LARGE1: variants seen among roughly 807,000 people sequenced by gnomAD.
LARGE1 encodes LARGE xylosyl- and glucuronyltransferase 1, also known as xylosyl- and glucuronyltransferase LARGE1.
Under a neutral mutation model 87.6 loss-of-function variants are expected in LARGE1, and 43 were observed. That is an observed-to-expected ratio of 0.49 (90% CI 0.38 to 0.63). The LOEUF is 0.63. Ranked by LOEUF, LARGE1 falls within the 30% of genes least tolerant of loss-of-function variation. The pLI is 0.00. For synonymous variants in LARGE1, 434 were observed against 394.6 expected (o/e 1.10, Z -1.18); for missense variants, 802 against 1,000.2 (o/e 0.80, Z 2.67).
intron 1 of LARGE1, among the ~76,000 whole-genome samples, chr22:33,903,448 T>C (rs35759081): frequency 0.23 from 35,278 of 151,886 alleles, 4,207 homozygotes; most frequent in Middle Eastern, 0.28. Flanking sequence ...TGAATTTTTT[T>C]AAAAAATAAA....
At chr22:33,416,492 A>G (rs1308194949) in intron 7 of LARGE1, among the ~76,000 whole-genome samples, 1 of 150,682 alleles carries the variant, frequency 6.6e-6, no homozygotes, top group East Asian at 2.0e-4. Context: ...ATTGCATTTC[A>G]CTGTCCTTAA....
At chr22:33,878,107 G>A (rs903719443) in intron 1 of LARGE1, among the ~76,000 whole-genome samples, 4 of 83,672 alleles carry the variant, frequency 4.8e-5, no homozygotes, top group Non-Finnish European at 1.1e-4. Context: ...TTAAAATTAT[G>A]TATGTTGTTT....
intron 1 of LARGE1, among the ~76,000 whole-genome samples, chr22:33,817,458 C>T (rs535980802): frequency 6.6e-6 from 1 of 152,240 alleles, no homozygotes; most frequent in East Asian, 1.9e-4. Flanking sequence ...CTCTCTCTTT[C>T]GCAGGGGACC....
intron 6 of LARGE1, among the ~76,000 whole-genome samples, chr22:33,523,487 C>T (rs2071719556): frequency 6.6e-6 from 1 of 152,128 alleles, no homozygotes; most frequent in African/African-American, 2.4e-5. Flanking sequence ...TTCTTTGTAT[C>T]TAATTTTGAG....
intron 11 of LARGE1, among the ~76,000 whole-genome samples, chr22:33,265,973 A>G (rs1454239717): frequency 6.6e-6 from 1 of 152,184 alleles, no homozygotes; most frequent in East Asian, 1.9e-4. Flanking sequence ...AAGCACTGGT[A>G]CAGGCCAAGA....
chr22:33,440,803 TG>T (rs2147816213), intron 6 of LARGE1, among the ~76,000 whole-genome samples: 1 of 152,308 alleles, frequency 6.6e-6, no homozygotes, highest in South Asian at 2.1e-4. Context: ...TTTCTGAACC[TG>T]TGTGTTTCAC....
intron 1 of LARGE1, among the ~76,000 whole-genome samples, chr22:33,787,882 T>C (rs2085701188): frequency 6.6e-6 from 1 of 152,230 alleles, no homozygotes; most frequent in African/African-American, 2.4e-5. Flanking sequence ...CCCTGCTATT[T>C]ATAGAGAATG....
At chr22:33,089,325 TTCTTCTTCTTCTTCTTC>T in the LARGE1 span, among the ~76,000 whole-genome samples, 4 of 88,042 alleles carry the variant, frequency 4.5e-5, no homozygotes, top group African/African-American at 2.1e-4. Context: ...TTCTTCTTTC[TTCTTCTTCTTCTTCTTC>T]TTCTTCTTCT....
At chr22:33,707,729 CT>C (rs1273860155) in intron 2 of LARGE1, among the ~76,000 whole-genome samples, 2 of 152,236 alleles carry the variant, frequency 1.3e-5, no homozygotes, top group Admixed American at 1.3e-4. Flanking sequence ...GATTTTGTGT[CT>C]CTTTTTAGTT....
At chr22:33,723,563 G>T (rs2083173723) in intron 2 of LARGE1, among the ~76,000 whole-genome samples, 1 of 152,204 alleles carries the variant, frequency 6.6e-6, no homozygotes, top group Admixed American at 6.5e-5. Context: ...GCGGATTTGG[G>T]TAAGGCTCAT....
chr22:33,827,190 G>A (rs894554062), intron 1 of LARGE1, among the ~76,000 whole-genome samples: 10 of 150,124 alleles, frequency 6.7e-5, no homozygotes, highest in Middle Eastern at 3.4e-3. Flanking sequence ...GTGAAACCCC[G>A]TCTCTATTAA....
chr22:33,727,971 GGTCAGGTAGATGGAT>G (rs530238229), intron 2 of LARGE1, among the ~76,000 whole-genome samples: 187 of 152,190 alleles, frequency 1.2e-3, no homozygotes, highest in African/African-American at 3.6e-3. Context: ...GGTATTCAGG[GGTCAGGTAGATGGAT>G]CTGCACTCAC....
chr22:33,733,120 C>G (rs549263205), intron 2 of LARGE1: 1 of 152,206 alleles, frequency 6.6e-6, no homozygotes, highest in African/African-American at 2.4e-5. Flanking sequence ...TTAAGCCACT[C>G]GAGGGTGGAA....
At chr22:33,817,147 C>T (rs2086678493) in intron 1 of LARGE1, among the ~76,000 whole-genome samples, 1 of 152,110 alleles carries the variant, frequency 6.6e-6, no homozygotes, top group Non-Finnish European at 1.5e-5. Context: ...GGAGGCTCGG[C>T]AGTTTCCCTA....
At chr22:33,402,137 G>A (rs2065945389) in intron 7 of LARGE1, among the ~76,000 whole-genome samples, 1 of 152,222 alleles carries the variant, frequency 6.6e-6, no homozygotes, top group Admixed American at 6.5e-5. Context: ...GAGGCTCGGA[G>A]AGGTCATACA....
intron 6 of LARGE1, among the ~76,000 whole-genome samples, chr22:33,510,204 C>A (rs2070988673): frequency 6.6e-6 from 1 of 152,224 alleles, no homozygotes; most frequent in Non-Finnish European, 1.5e-5. Context: ...GCAGTCTAAA[C>A]ATGCAAGTCT....
chr22:33,219,823 G>A (rs1211294411), intron 11 of LARGE1, among the ~76,000 whole-genome samples: 2 of 152,060 alleles, frequency 1.3e-5, no homozygotes, highest in Non-Finnish European at 2.9e-5. Flanking sequence ...GCCTGCCCAC[G>A]GAGCAGGTAA....
chr22:33,826,688 G>A (rs2062799410), intron 1 of LARGE1, among the ~76,000 whole-genome samples: 1 of 151,888 alleles, frequency 6.6e-6, no homozygotes, highest in Non-Finnish European at 1.5e-5. Context: ...GTACCCACCT[G>A]GACAATCCAT....
At chr22:33,145,655 G>A in the LARGE1 span, among the ~76,000 whole-genome samples, 1 of 152,144 alleles carries the variant, frequency 6.6e-6, no homozygotes, top group East Asian at 1.9e-4. Flanking sequence ...TTTGCTCAGT[G>A]GAAATTCAGA....
Sources: allele counts gnomAD v4.1 joint callset (sites outside exome capture counted in the v4.1 genomes callset), GRCh38; gene constraint gnomAD v4.1.1; transcripts MANE v1.5; gene names NCBI Gene and HGNC (gene_info 2026-07-23, HGNC 2026-07-21).